Variants in ADAM18 observed in about 807,000 individuals in gnomAD.
ADAM18 encodes the protein ADAM metallopeptidase domain 18.
ADAM18 carries 117 observed loss-of-function variants against 94.4 expected under a neutral mutation model. The ratio of observed to expected loss-of-function variants is 1.24; its 90% CI spans 1.07 to 1.45. The LOEUF (loss-of-function observed/expected upper bound fraction) is 1.45. Ranked by LOEUF, ADAM18 falls within the 40% of genes most tolerant of loss-of-function variation. The pLI, the probability that ADAM18 is intolerant of heterozygous loss-of-function variation, is 0.00. For missense variants in ADAM18, 936 were observed against 880.0 expected (o/e 1.06, Z -0.81); for synonymous variants, 327 against 291.6 (o/e 1.12, Z -1.24).
chr8:39,725,249 T>A (rs1228912963), intron 19 of ADAM18, among the ~76,000 whole-genome samples: 1 of 152,054 alleles, frequency 6.6e-6, no homozygotes, highest in South Asian at 2.1e-4. Flanking sequence ...GAAATAAGTA[T>A]ACCCCTTTAA....
At chr8:39,638,624 T>C in intron 10 of ADAM18, 78 bp downstream of exon 10, 1 of 795,344 alleles carries the variant, frequency 1.3e-6, no homozygotes, top group Non-Finnish European at 1.9e-6. Context: ...TTTAAGTAGT[T>C]AAATAGTGTA....
chr8:39,725,929 CTGT>C (rs1822894079), intron 19 of ADAM18, among the ~76,000 whole-genome samples: 3 of 152,246 alleles, frequency 2.0e-5, no homozygotes, highest in South Asian at 4.1e-4. Flanking sequence ...AACCGTCATA[CTGT>C]TTTCCATAAT....
chr8:39,606,143 C>G (rs1041466778), intron 2 of ADAM18, among the ~76,000 whole-genome samples, 164 bp from the exon 3 acceptor site: 1 of 151,998 alleles, frequency 6.6e-6, no homozygotes. Context: ...CACATTGTTC[C>G]TGAATTTATT....
intron 17 of ADAM18, 83 bp downstream of exon 17, chr8:39,692,763 G>A (rs1821818077): frequency 6.3e-6 from 7 of 1,110,966 alleles, no homozygotes; most frequent in Admixed American, 4.5e-5. Flanking sequence ...TGAGAGTCTA[G>A]GTTGACTTGC....
chr8:39,712,679 T>A, intron 18 of ADAM18, among the ~76,000 whole-genome samples: 1 of 152,054 alleles, frequency 6.6e-6, no homozygotes, highest in East Asian at 1.9e-4. Context: ...ATGAGTGAAC[T>A]CCCATTCACA....
At chr8:39,594,942 G>A (rs964979712) in intron 2 of ADAM18, among the ~76,000 whole-genome samples, 1 of 151,144 alleles carries the variant, frequency 6.6e-6, no homozygotes, top group East Asian at 2.0e-4. Context: ...TGTAGCCTCC[G>A]TCTCTATTTG....
At chr8:39,699,918 T>G (rs576605505) in intron 17 of ADAM18, among the ~76,000 whole-genome samples, 8 of 152,232 alleles carry the variant, frequency 5.3e-5, no homozygotes, top group African/African-American at 1.9e-4. Flanking sequence ...CCTGTGCAAT[T>G]TTTTCAGAAA....
intron 12 of ADAM18, among the ~76,000 whole-genome samples, chr8:39,656,267 G>T (rs900604375): frequency 5.3e-5 from 8 of 151,762 alleles, no homozygotes; most frequent in Non-Finnish European, 1.2e-4. Context: ...AGTTATTAAG[G>T]CAGTATGGTA....
At chr8:39,665,384 T>C (rs2129580147) in intron 13 of ADAM18, among the ~76,000 whole-genome samples, 1 of 152,314 alleles carries the variant, frequency 6.6e-6, no homozygotes, top group African/African-American at 2.4e-5. Context: ...TTTTTGGTGA[T>C]GAAAATATGG....
chr8:39,624,214 T>G (rs1438582745), intron 6 of ADAM18, among the ~76,000 whole-genome samples: 1 of 152,232 alleles, frequency 6.6e-6, no homozygotes, highest in African/African-American at 2.4e-5. Context: ...TAGTCATAAT[T>G]TCTTTGCCTA....
intron 14 of ADAM18, among the ~76,000 whole-genome samples, chr8:39,670,527 G>T (rs1821125007): frequency 6.6e-6 from 1 of 152,092 alleles, no homozygotes; most frequent in South Asian, 2.1e-4. Context: ...AACTTTTAAA[G>T]AAATGTTGAA....
intron 18 of ADAM18, among the ~76,000 whole-genome samples, chr8:39,717,491 T>C (rs1163017519): frequency 6.6e-6 from 1 of 151,816 alleles, no homozygotes; most frequent in Non-Finnish European, 1.5e-5. Context: ...GAACTCCCTC[T>C]AGAATTTTTT....
chr8:39,610,736 T>G, intron 6 of ADAM18, 30 bp downstream of exon 6: 1 of 1,592,464 alleles, frequency 6.3e-7, no homozygotes, highest in Non-Finnish European at 8.5e-7. Flanking sequence ...TGTTATGACA[T>G]ACTAGAACAT....
chr8:39,725,272 A>G (rs1400600028), intron 19 of ADAM18, among the ~76,000 whole-genome samples: 1 of 152,086 alleles, frequency 6.6e-6, no homozygotes, highest in African/African-American at 2.4e-5. Context: ...CATCATCACC[A>G]TCAAGGCCAT....
At chr8:39,588,551 AC>A (rs1563264435) in intron 2 of ADAM18, among the ~76,000 whole-genome samples, 1 of 152,210 alleles carries the variant, frequency 6.6e-6, no homozygotes, top group Non-Finnish European at 1.5e-5. Context: ...TTAGGATATT[AC>A]AGGAACTATG....
intron 2 of ADAM18, among the ~76,000 whole-genome samples, chr8:39,601,775 A>AT (rs1204030422): frequency 1.3e-5 from 2 of 152,126 alleles, no homozygotes; most frequent in African/African-American, 2.4e-5. Flanking sequence ...AATCTCTAGA[A>AT]TTTTTTTATA....
At chr8:39,656,909 A>G (rs139879494) in intron 12 of ADAM18, among the ~76,000 whole-genome samples, 10 of 152,342 alleles carry the variant, frequency 6.6e-5, no homozygotes, top group Admixed American at 3.3e-4. Flanking sequence ...ATTGGTGAGG[A>G]TAAGTAGCTA....
intron 16 of ADAM18, among the ~76,000 whole-genome samples, chr8:39,689,399 A>G (rs74882191): frequency 1.3e-5 from 2 of 152,162 alleles, no homozygotes; most frequent in Non-Finnish European, 1.5e-5. Flanking sequence ...TCCAGTTTCA[A>G]TATTCTCTAT....
At chr8:39,704,602 G>A (rs1585999219) in intron 17 of ADAM18, among the ~76,000 whole-genome samples, 1 of 152,014 alleles carries the variant, frequency 6.6e-6, no homozygotes, top group East Asian at 1.9e-4. Context: ...TGTTTTGGCT[G>A]GGGGGACCCA....
Sources: allele counts gnomAD v4.1 joint callset (sites outside exome capture counted in the v4.1 genomes callset), GRCh38; gene constraint gnomAD v4.1.1; transcripts MANE v1.5; gene names NCBI Gene and HGNC (gene_info 2026-07-23, HGNC 2026-07-21).